The following BMPER variants were observed in gnomAD, a reference collection of about 807,000 sequenced individuals.
BMPER encodes BMP-binding endothelial regulator protein.
Under a neutral mutation model 87.3 loss-of-function variants are expected in BMPER, and 45 were observed. That is an observed-to-expected ratio of 0.52 (90% CI 0.41 to 0.66). BMPER has a LOEUF of 0.66. Ranked by LOEUF, BMPER falls within the 30% of genes least tolerant of loss-of-function variation. BMPER has a pLI of 0.00. For missense variants in BMPER, 784 were observed against 867.5 expected, an observed-to-expected ratio of 0.90 and a Z score of 1.21; for synonymous variants, 326 against 316.2, an observed-to-expected ratio of 1.03 and a Z score of -0.33.
At chr7:34,094,437 C>T (rs1028201428) in intron 13 of BMPER, among the ~76,000 whole-genome samples, 5 of 152,178 alleles carry the variant, frequency 3.3e-5, no homozygotes, top group African/African-American at 1.2e-4. Flanking sequence ...GGAGCTCTCC[C>T]TTGAAGGGAA....
chr7:34,135,914 C>A (rs1467914626), intron 13 of BMPER, among the ~76,000 whole-genome samples: 1 of 152,070 alleles, frequency 6.6e-6, no homozygotes. Flanking sequence ...CCGGAGATAA[C>A]TTTTATATCT....
At chr7:34,056,616 C>CT (rs34663962) in intron 9 of BMPER, among the ~76,000 whole-genome samples, 2,199 of 131,120 alleles carry the variant, frequency 0.017, 68 homozygotes, top group African/African-American at 0.054. Flanking sequence ...GTGCAATGCA[C>CT]TTTTTTTTTT....
At chr7:34,061,696 G>A (rs1444485985) in intron 10 of BMPER, among the ~76,000 whole-genome samples, 1 of 152,180 alleles carries the variant, frequency 6.6e-6, no homozygotes, top group African/African-American at 2.4e-5. Flanking sequence ...AAAAGGTTGA[G>A]TCCAGACTGT....
chr7:34,001,436 T>A (rs1317348747), intron 6 of BMPER, among the ~76,000 whole-genome samples: 1 of 151,832 alleles, frequency 6.6e-6, no homozygotes, highest in Non-Finnish European at 1.5e-5. Flanking sequence ...GTTTGTCCAT[T>A]TCATGTAGGT....
At chr7:34,004,090 CTT>C (rs1786661897) in intron 6 of BMPER, among the ~76,000 whole-genome samples, 1 of 152,046 alleles carries the variant, frequency 6.6e-6, no homozygotes, top group South Asian at 2.1e-4. Context: ...TTTCTCCACT[CTT>C]TTTCCTTTCT....
chr7:33,920,850 G>T (rs76340391), intron 2 of BMPER, among the ~76,000 whole-genome samples: 1 of 152,208 alleles, frequency 6.6e-6, no homozygotes, highest in Admixed American at 6.5e-5. Context: ...AAACATATAT[G>T]TTTATATTTA....
chr7:33,966,311 G>T (rs545903209), intron 3 of BMPER, among the ~76,000 whole-genome samples, 168 bp from the exon 4 acceptor site: 10 of 152,298 alleles, frequency 6.6e-5, no homozygotes, highest in African/African-American at 2.2e-4. Context: ...ATGTCAAGTG[G>T]ATACTTAGAA....
At chr7:33,908,297 T>C (rs564046142) in intron 2 of BMPER, among the ~76,000 whole-genome samples, 1 of 152,326 alleles carries the variant, frequency 6.6e-6, no homozygotes, top group South Asian at 2.1e-4. Context: ...GAAATTACCT[T>C]GACCAAGTAA....
At chr7:34,106,495 A>T (rs1285651607) in intron 13 of BMPER, among the ~76,000 whole-genome samples, 4 of 152,162 alleles carry the variant, frequency 2.6e-5, no homozygotes, top group African/African-American at 9.7e-5. Context: ...CTCAGCCAGC[A>T]TTGCTCTCCT....
intron 2 of BMPER, among the ~76,000 whole-genome samples, chr7:33,909,402 G>A (rs1489691447): frequency 2.0e-5 from 3 of 152,106 alleles, no homozygotes; most frequent in Non-Finnish European, 4.4e-5. Flanking sequence ...GCGTTCCTTG[G>A]GTTATTTTGT....
chr7:34,003,559 C>T (rs1786646339), intron 6 of BMPER, among the ~76,000 whole-genome samples: 1 of 151,924 alleles, frequency 6.6e-6, no homozygotes. Flanking sequence ...TGATTAATGT[C>T]CGCTTATTTC....
chr7:33,917,918 G>T (rs1784126204), intron 2 of BMPER, among the ~76,000 whole-genome samples: 1 of 152,176 alleles, frequency 6.6e-6, no homozygotes, highest in South Asian at 2.1e-4. Context: ...AGTAGGGACA[G>T]CTTGGCCCAT....
chr7:33,927,878 A>G (rs1207463915), intron 2 of BMPER, among the ~76,000 whole-genome samples: 2 of 152,222 alleles, frequency 1.3e-5, no homozygotes, highest in African/African-American at 4.8e-5. Context: ...AAATATTCAT[A>G]GAGTTTCATC....
intron 13 of BMPER, among the ~76,000 whole-genome samples, chr7:34,112,388 C>T (rs543479145): frequency 2.4e-4 from 35 of 147,818 alleles, no homozygotes; most frequent in African/African-American, 7.2e-4. Flanking sequence ...CCCAGCTACT[C>T]GGGAGGCTGA....
At chr7:33,976,729 A>G (rs1785696854) in intron 6 of BMPER, among the ~76,000 whole-genome samples, 1 of 152,178 alleles carries the variant, frequency 6.6e-6, no homozygotes, top group African/African-American at 2.4e-5. Flanking sequence ...AGAAGGTGGT[A>G]AAGAGAATGG....
intron 2 of BMPER, among the ~76,000 whole-genome samples, chr7:33,925,680 G>T (rs1026401693): frequency 6.6e-6 from 1 of 152,080 alleles, no homozygotes; most frequent in Non-Finnish European, 1.5e-5. Context: ...CACAAGATAA[G>T]CACCCCTTAT....
chr7:34,043,063 A>G (rs1042087673), intron 6 of BMPER: 4 of 152,148 alleles, frequency 2.6e-5, no homozygotes, highest in African/African-American at 9.7e-5. Flanking sequence ...AAAGAGGTAT[A>G]TTTAACGAAG....
intron 6 of BMPER, among the ~76,000 whole-genome samples, chr7:33,982,213 A>T (rs1785882731): frequency 6.6e-6 from 1 of 152,272 alleles, no homozygotes; most frequent in East Asian, 1.9e-4. Context: ...ACCCTCTCTC[A>T]TGCCCTCTGC....
At chr7:33,921,916 T>A in intron 2 of BMPER, 1 of 462,652 alleles carries the variant, frequency 2.2e-6, no homozygotes, top group Non-Finnish European at 4.5e-6. Context: ...AGCTCCCCAC[T>A]TCACCCCAAC....
Sources: allele counts gnomAD v4.1 joint callset (sites outside exome capture counted in the v4.1 genomes callset), GRCh38; gene constraint gnomAD v4.1.1; transcripts MANE v1.5; gene names NCBI Gene and HGNC (gene_info 2026-07-23, HGNC 2026-07-21).